The following BEAN1 variants were observed in gnomAD, a reference collection of about 807,000 sequenced individuals.
The protein encoded by BEAN1 is brain expressed associated with NEDD4 1.
A neutral mutation model predicts 17.7 loss-of-function variants in BEAN1; 17 were observed. The ratio of observed to expected loss-of-function variants is 0.96; its 90% confidence interval spans 0.66 to 1.44. BEAN1 has a LOEUF of 1.44. Among genes scored for constraint, BEAN1 ranks in the 40% most tolerant of loss-of-function variants. The pLI is 0.00. For missense variants in BEAN1, 359 were observed against 374.1 expected (o/e 0.96, Z 0.33); for synonymous variants, 142 against 151.8 (o/e 0.94, Z 0.47).
At chr16:66,460,922 C>T (rs1189277974) in intron 2 of BEAN1, among the ~76,000 whole-genome samples, 1 of 152,150 alleles carries the variant, frequency 6.6e-6, no homozygotes. Flanking sequence ...CATTATAGAC[C>T]ATCATGAGGA....
intron 1 of BEAN1, among the ~76,000 whole-genome samples, chr16:66,431,907 AGC>A (rs1961821972): frequency 6.6e-6 from 1 of 151,974 alleles, no homozygotes; most frequent in Non-Finnish European, 1.5e-5. Flanking sequence ...CCTGGGTTTA[AGC>A]GATTCTCCTG....
downstream of BEAN1, among the ~76,000 whole-genome samples, chr16:66,493,839 C>A (rs530231902): frequency 6.6e-6 from 1 of 152,308 alleles, no homozygotes; most frequent in South Asian, 2.1e-4. Flanking sequence ...TGTGAGTGCT[C>A]CCTCACCTTC....
In BEAN1 at chr16:66,427,448, T is replaced by TGGGCGGCGCGGGGGAG. The variant is rs1301553720; in HGVS notation, c.-83+24_-83+39dup. ...CCAAGCCGAGTAAGGGGCGTGGGGC[T>TGGGCGGCGCGGGGGAG]GGGCGGCGCGGGGGAGGGGCGGGCG... On this transcript the variant is annotated intron_variant, in intron 1 of 4. Transcript: ENST00000536005. This position sits in a 1 kb window ranked among gnomAD's most constrained non-coding sequence, Gnocchi z 4.7. The TGGGCGGCGCGGGGGAG allele has an allele frequency of 8.0e-5, 11 of 138,362 alleles. No individual in the cohort carries two copies. Among genetic ancestry groups the TGGGCGGCGCGGGGGAG allele is most frequent in the African/African-American group, 2.9e-4 (11 of 38,050 alleles). The allele number at this position is 138,362 out of a possible 1,614,324, so 8.6% of individuals were successfully genotyped here. A position where few individuals can be genotyped will look rare whatever the true frequency, so the allele number is the denominator to read the frequency against.
intron 1 of BEAN1, among the ~76,000 whole-genome samples, chr16:66,431,347 C>T (rs1046610781): frequency 6.6e-6 from 1 of 152,192 alleles, no homozygotes; most frequent in African/African-American, 2.4e-5. Flanking sequence ...GACTTATTCA[C>T]TTAATTGCTT....
chr16:66,449,942 A>G (rs1302467026), intron 2 of BEAN1, among the ~76,000 whole-genome samples: 1 of 152,226 alleles, frequency 6.6e-6, no homozygotes, highest in Non-Finnish European at 1.5e-5. Flanking sequence ...ATTCCCAGAC[A>G]TTATGTAATT....
At chr16:66,485,111 A>G (rs547042099), downstream of BEAN1, 2 of 454,126 alleles carry the variant, frequency 4.4e-6, no homozygotes, top group African/African-American at 4.0e-5. Flanking sequence ...AGGAGGGTTG[A>G]TACAGAGTAA....
At chr16:66,437,441 C>T (rs1313082736) in intron 1 of BEAN1, among the ~76,000 whole-genome samples, 154 bp from the exon 2 acceptor site, 1 of 152,144 alleles carries the variant, frequency 6.6e-6, no homozygotes, top group African/African-American at 2.4e-5. Context: ...CCCAGAGGTC[C>T]CCCAGCCCCT....
chr16:66,449,996 A>G (rs865882826), intron 2 of BEAN1, among the ~76,000 whole-genome samples: 15 of 152,262 alleles, frequency 9.9e-5, no homozygotes, highest in Non-Finnish European at 2.2e-4. Flanking sequence ...AGTGCTCTTT[A>G]AATTCCTTCA....
At chr16:66,494,163 G>C (rs1964215985), downstream of BEAN1, among the ~76,000 whole-genome samples, 1 of 152,234 alleles carries the variant, frequency 6.6e-6, no homozygotes, top group Non-Finnish European at 1.5e-5. Flanking sequence ...CTCTCACTGT[G>C]ATGTCCACCA....
chr16:66,432,694 CAG>C (rs1282844672), intron 1 of BEAN1, among the ~76,000 whole-genome samples: 1 of 152,228 alleles, frequency 6.6e-6, no homozygotes, highest in East Asian at 1.9e-4. Context: ...CCCAGGCAGA[CAG>C]GGAATCACCT....
At chr16:66,446,359 C>T (rs905158798) in intron 2 of BEAN1, among the ~76,000 whole-genome samples, 10 of 151,878 alleles carry the variant, frequency 6.6e-5, no homozygotes, top group African/African-American at 9.7e-5. Flanking sequence ...AAAAGGACAG[C>T]GTTTGGGGCT....
chr16:66,448,692 G>A (rs148593805), intron 2 of BEAN1, among the ~76,000 whole-genome samples: 3,440 of 152,276 alleles, frequency 0.023, 56 homozygotes, highest in Non-Finnish European at 0.035. Flanking sequence ...GTGTGGTGGC[G>A]GATGCCTGTA....
intron 2 of BEAN1, among the ~76,000 whole-genome samples, chr16:66,461,202 AG>A (rs1356761460): frequency 1.3e-5 from 2 of 149,896 alleles, no homozygotes; most frequent in African/African-American, 4.9e-5. Flanking sequence ...GGGGGTGGGA[AG>A]GGGGATTGTC....
At chr16:66,461,207 GA>G (rs1321262891) in intron 2 of BEAN1, among the ~76,000 whole-genome samples, 1 of 151,098 alleles carries the variant, frequency 6.6e-6, no homozygotes, top group Non-Finnish European at 1.5e-5. Context: ...TGGGAAGGGG[GA>G]TTGTCATCAT....
At chr16:66,437,843 G>A in intron 2 of BEAN1, 142 bp downstream of exon 2, 2 of 1,124,822 alleles carry the variant, frequency 1.8e-6, no homozygotes, top group Non-Finnish European at 2.6e-6. Flanking sequence ...TGCTGGGTGG[G>A]GAGAGGGCAA....
downstream of BEAN1, among the ~76,000 whole-genome samples, chr16:66,494,459 C>G (rs913048702): frequency 6.6e-6 from 1 of 152,100 alleles, no homozygotes; most frequent in Non-Finnish European, 1.5e-5. Flanking sequence ...GTGCTCAGTG[C>G]CCATCAGAGA....
chr16:66,434,744 C>T lies in BEAN1; in HGVS notation c.-82-2851C>T, dbSNP rs1179342630. On this transcript the variant is annotated intron_variant, in intron 1 of 4. Coordinates refer to ENST00000536005, the MANE Select transcript of BEAN1 (RefSeq NM_001178020.3). The surrounding 1 kb of genome is among the most constrained non-coding windows in gnomAD (Gnocchi z 4.3). ...ACAAGATGCCTGGGAAGCATCTCAG[C>T]TTTTTGCATAGAGATCCTCCTCTTC... Among the ~76,000 whole-genome samples, 1 of 152,112 alleles carries T rather than the reference C, an allele frequency of 6.6e-6. No individual in the cohort carries two copies. The highest frequency in any genetic ancestry group is 1.5e-5 in the Non-Finnish European group (1 of 68,028).
downstream of BEAN1, chr16:66,485,247 C>T (rs1015862131): frequency 1.8e-5 from 7 of 382,156 alleles, no homozygotes; most frequent in African/African-American, 1.3e-4. Flanking sequence ...ATGTAGCATC[C>T]CTCAGCTCCA....
chr16:66,452,976 C>T (rs966279274), intron 2 of BEAN1, among the ~76,000 whole-genome samples: 2 of 152,168 alleles, frequency 1.3e-5, no homozygotes, highest in South Asian at 4.2e-4. Context: ...TCCTGAGCCT[C>T]AGTACCCTCA....
Sources: allele counts gnomAD v4.1 joint callset (sites outside exome capture counted in the v4.1 genomes callset), GRCh38; gene constraint gnomAD v4.1.1; non-coding constraint Gnocchi (gnomAD v3.1); transcripts MANE v1.5; gene names NCBI Gene and HGNC (gene_info 2026-07-23, HGNC 2026-07-21).